Variants in IL17RD observed in about 807,000 individuals in gnomAD.
IL17RD encodes interleukin-17 receptor D.
Under a neutral mutation model 80.5 loss-of-function variants are expected in IL17RD, and 52 were observed. That is an observed-to-expected ratio of 0.65 (90% CI 0.52 to 0.81). The LOEUF is 0.81. Ranked by LOEUF, IL17RD falls within the 40% of genes least tolerant of loss-of-function variation. The probability of loss-of-function intolerance (pLI) is 0.00; values close to 1 mark genes in which losing one functional copy is unlikely to be tolerated. For synonymous variants in IL17RD, 416 were observed against 391.8 expected, an observed-to-expected ratio of 1.06 and a Z score of -0.73; for missense variants, 1,024 against 955.1, an observed-to-expected ratio of 1.07 and a Z score of -0.95.
chr3:57,102,137 G>A (rs1448940117), intron 10 of IL17RD, among the ~76,000 whole-genome samples: 2 of 152,172 alleles, frequency 1.3e-5, no homozygotes, highest in African/African-American at 4.8e-5. Flanking sequence ...GCATGGTGGT[G>A]CATGCCTGTA....
upstream of IL17RD, among the ~76,000 whole-genome samples, chr3:57,165,722 C>T (rs754826543): frequency 2.0e-5 from 3 of 152,222 alleles, no homozygotes; most frequent in Non-Finnish European, 4.4e-5. Context: ...TGTATACGCC[C>T]AACCACACAA....
rs368786454 is a variant in IL17RD, at chr3:57,101,275, C to T, written c.1068G>A (p.Pro356=). ...TACTGGAATAGCAGAGAAAGACCTT[C>T]GGCCGCGGCCGGAGCCTCTCTCTTG... ...ALPRERLRPR[P]KVFLCYSSKD... is the part of the protein sequence containing the mutation. Residue 356 remains proline, a synonymous_variant, in exon 11 of 13, where the codon CCG becomes CCA. Transcript: ENST00000296318. 5.5e-5 allele frequency: 88 copies of T among 1,613,258 alleles called. No individual in the cohort carries two copies. Among genetic ancestry groups the T allele is most frequent in the Middle Eastern group, 1.7e-4 (1 of 6,058 alleles).
rs750340040 is a variant in IL17RD at position 57,106,156 on chromosome 3, T to C, written c.551-2A>G. 2.5e-6 allele frequency: 4 copies of C among 1,608,794 alleles called. No homozygotes were observed. Among genetic ancestry groups the C allele is most frequent in the Non-Finnish European group, 2.6e-6 (3 of 1,176,188 alleles). On this transcript the variant is annotated splice_acceptor_variant, in intron 5 of 12. Coordinates refer to ENST00000296318, the MANE Select transcript of IL17RD (RefSeq NM_017563.5). LOFTEE classifies it high-confidence loss of function. ...CCGGCTGTAACAACAGGTCACAGGC[T>C]ATTAAGAGAATAAAGATACATGTTT...
chr3:57,117,429 A>C (rs1419431527), intron 2 of IL17RD, among the ~76,000 whole-genome samples: 1 of 152,150 alleles, frequency 6.6e-6, no homozygotes, highest in South Asian at 2.1e-4. Context: ...AAAGTCTAAG[A>C]ATTAAGAAAA....
chr3:57,134,192 G>T, intron 1 of IL17RD: 1 of 682,028 alleles, frequency 1.5e-6, no homozygotes. Context: ...GCTGTGGCAA[G>T]AAGAAGGTCT....
intron 10 of IL17RD, 140 bp from the exon 11 acceptor site, chr3:57,101,503 C>A: frequency 1.8e-6 from 1 of 565,334 alleles, no homozygotes; most frequent in South Asian, 2.6e-5. Context: ...TCAGCCCCCT[C>A]TGATCATCAC....
intron 2 of IL17RD, among the ~76,000 whole-genome samples, chr3:57,118,057 A>G (rs1707253997): frequency 6.6e-6 from 1 of 152,216 alleles, no homozygotes; most frequent in Non-Finnish European, 1.5e-5. Context: ...TTAGAGATAC[A>G]AATGTTTGTT....
At chr3:57,136,034 G>A (rs1466859421) in intron 1 of IL17RD, among the ~76,000 whole-genome samples, 1 of 152,146 alleles carries the variant, frequency 6.6e-6, no homozygotes, top group South Asian at 2.1e-4. Context: ...TAAATGTAGG[G>A]GATTTTATGA....
intron 2 of IL17RD, 83 bp from the exon 3 acceptor site, chr3:57,114,900 A>G: frequency 8.2e-7 from 1 of 1,213,822 alleles, no homozygotes; most frequent in Non-Finnish European, 1.1e-6. Flanking sequence ...TAAACAGGGC[A>G]TGTCTGAAGG....
rs529746167 is a variant in IL17RD at position 57,092,709 on chromosome 3, C to G, written c.*3684G>C. ...ACACTGTGAAATGTAAAGACGCAAT[C>G]AAGACATGTCCAGTGCATTCAGAAT... On this transcript the variant is annotated 3_prime_UTR_variant, in exon 13 of 13. Transcript: ENST00000296318. 1 of 152,290 alleles carries G rather than the reference C, an allele frequency of 6.6e-6. No individual in the cohort carries two copies. Among genetic ancestry groups the G allele is most frequent in the African/African-American group, 2.4e-5 (1 of 41,552 alleles). 9.4% of individuals were successfully genotyped at this position (152,290 alleles called of 1,614,324 possible).
chr3:57,134,183 C>CT (rs1396559578), intron 1 of IL17RD: 1 of 677,184 alleles, frequency 1.5e-6, no homozygotes. Context: ...GTGTCCTCTG[C>CT]TGTGGCAAGA....
Position 57,114,741 on chromosome 3 carries a change from A to T in IL17RD, c.261T>A (p.Ala87=). The T allele has an allele frequency of 6.2e-7, 1 of 1,612,716 alleles. No individual in the cohort carries two copies. The highest frequency in any genetic ancestry group is 8.5e-7 in the Non-Finnish European group (1 of 1,179,550). Residue 87 remains alanine, a synonymous_variant, in exon 3 of 13, where the codon GCT becomes GCA. Coordinates refer to ENST00000296318, the MANE Select transcript of IL17RD (RefSeq NM_017563.5). ...TGGTGACTGCCACTTGGTCATGGCAAGCATACTGGCTGATGGTGATATTCT... is the reference window on the plus strand; with the variant it reads ...TGGTGACTGCCACTTGGTCATGGCATGCATACTGGCTGATGGTGATATTCT... The part of the protein sequence containing the change: ...DAQNITISQY[A]CHDQVAVTIL...
At chr3:57,160,220 G>T (rs999701997) in intron 1 of IL17RD, among the ~76,000 whole-genome samples, 1 of 151,954 alleles carries the variant, frequency 6.6e-6, no homozygotes, top group Non-Finnish European at 1.5e-5. Flanking sequence ...ATTGTTGATG[G>T]GGTAGCCCCA....
In IL17RD at chr3:57,102,561, TC is replaced by T; in HGVS notation, c.896del (p.Arg299LysfsTer10). On this transcript the variant is annotated frameshift_variant, in exon 10 of 13. Coordinates refer to ENST00000296318, the MANE Select transcript of IL17RD (RefSeq NM_017563.5). LOFTEE classifies it high-confidence loss of function. ...CCAGTGGCACTGTGATGGCCACGGC[TC>T]TGATGGGCCCGGCCCACGGGGAGTG... ...PVHSPWAGPI[R>X]AVAITVPLVV... 1 of 1,577,612 alleles carries T rather than the reference TC, an allele frequency of 6.3e-7. No homozygotes were observed. The highest frequency in any genetic ancestry group is 8.7e-7 in the Non-Finnish European group (1 of 1,152,240).
chr3:57,136,034 G>T (rs1466859421), intron 1 of IL17RD, among the ~76,000 whole-genome samples: 1 of 152,146 alleles, frequency 6.6e-6, no homozygotes, highest in Admixed American at 6.5e-5. Flanking sequence ...TAAATGTAGG[G>T]GATTTTATGA....
rs189158022 is a variant in IL17RD, at chr3:57,152,260, C to T, written c.126+12901G>A. On this transcript the variant is annotated intron_variant, in intron 1 of 12. Coordinates refer to ENST00000296318, the MANE Select transcript of IL17RD (RefSeq NM_017563.5). ...GCATTCCAGCCCAGGAGCTCCGGCC[C>T]GCTGGGCAGAGGCTGCACACCATTC... Among the ~76,000 whole-genome samples the T allele has an allele frequency of 3.0e-4, 46 of 152,318 alleles. 1 individual carries two copies. In the East Asian group the frequency reaches 4.6e-3, roughly 15 times the overall value.
Position 57,113,528 on chromosome 3 carries a change from C to T in IL17RD, c.310+1164G>A, listed in dbSNP as rs990256350. Among the ~76,000 whole-genome samples the T allele has an allele frequency of 5.9e-5, 9 of 152,028 alleles. No individual in the cohort carries two copies. The East Asian group carries it at 9.7e-4, about 16-fold the overall frequency. ...CTGGAATTACAGGCATGAGCCACCA[C>T]GCCCAGCCTGTTTTGTTTTATAAAG... On this transcript the variant is annotated intron_variant, in intron 3 of 12. Coordinates refer to ENST00000296318, the MANE Select transcript of IL17RD (RefSeq NM_017563.5).
intron 1 of IL17RD, among the ~76,000 whole-genome samples, chr3:57,152,111 G>C (rs2060229507): frequency 6.6e-6 from 1 of 152,080 alleles, no homozygotes; most frequent in Non-Finnish European, 1.5e-5. Context: ...CAAAACTAAA[G>C]GTAGCATAGC....
At chr3:57,124,207 C>T (rs1454293668) in intron 1 of IL17RD, among the ~76,000 whole-genome samples, 1 of 152,184 alleles carries the variant, frequency 6.6e-6, no homozygotes, top group African/African-American at 2.4e-5. Flanking sequence ...GCAATGGTAT[C>T]CCAGGCTAGC....
Sources: allele counts gnomAD v4.1 joint callset (sites outside exome capture counted in the v4.1 genomes callset), GRCh38; gene constraint gnomAD v4.1.1; transcripts MANE v1.5; gene names NCBI Gene and HGNC (gene_info 2026-07-23, HGNC 2026-07-21).